The following NREP variants were observed in gnomAD, a reference collection of about 807,000 sequenced individuals.
NREP encodes neuronal regeneration related protein, also known as neuronal regeneration-related protein.
A neutral mutation model predicts 8.6 loss-of-function variants in NREP; 5 were observed. The ratio of observed to expected loss-of-function variants is 0.58; its 90% CI spans 0.30 to 1.22. The LOEUF is 1.22. NREP is among the 50% of genes most tolerant of loss of function. NREP has a pLI of 0.07. For missense variants in NREP, 86 were observed against 82.5 expected (o/e 1.04, Z -0.17); for synonymous variants, 27 against 28.0 (o/e 0.96, Z 0.11).
chr5:111,779,342 T>A (rs760315408), intron 2 of NREP, among the ~76,000 whole-genome samples: 1 of 152,190 alleles, frequency 6.6e-6, no homozygotes, highest in Non-Finnish European at 1.5e-5. Flanking sequence ...GTGCATCCTG[T>A]CACACAGCTC....
chr5:111,819,176 C>T (rs748309448), intron 2 of NREP, among the ~76,000 whole-genome samples: 1 of 152,294 alleles, frequency 6.6e-6, no homozygotes, highest in Non-Finnish European at 1.5e-5. Context: ...CCTCTGGTCA[C>T]CTGCTTTGAC....
intron 2 of NREP, among the ~76,000 whole-genome samples, chr5:111,763,138 G>C (rs913393271): frequency 1.3e-5 from 2 of 152,216 alleles, no homozygotes; most frequent in African/African-American, 4.8e-5. Flanking sequence ...ACAGATGAGA[G>C]ATTCTCCCCT....
intron 2 of NREP, among the ~76,000 whole-genome samples, chr5:111,905,782 T>G (rs1754766787): frequency 6.6e-6 from 1 of 152,142 alleles, no homozygotes. Flanking sequence ...TGCAGAGTAT[T>G]TTTATATATG....
intron 2 of NREP, among the ~76,000 whole-genome samples, chr5:111,971,973 A>G (rs1189530205): frequency 6.6e-6 from 1 of 152,206 alleles, no homozygotes; most frequent in Non-Finnish European, 1.5e-5. Flanking sequence ...GAATGGGAGA[A>G]AACATTTGCA....
At chr5:111,929,082 T>A (rs1755468853) in intron 2 of NREP, among the ~76,000 whole-genome samples, 1 of 152,136 alleles carries the variant, frequency 6.6e-6, no homozygotes, top group African/African-American at 2.4e-5. Flanking sequence ...CTTCTCCTCC[T>A]TATCCCCTCT....
At chr5:111,795,070 C>T (rs1751846030) in intron 2 of NREP, among the ~76,000 whole-genome samples, 2 of 151,112 alleles carry the variant, frequency 1.3e-5, no homozygotes, top group African/African-American at 4.9e-5. Context: ...AACAGTTAAC[C>T]AGTTTAAGTA....
intron 2 of NREP, among the ~76,000 whole-genome samples, chr5:111,971,945 A>G (rs2112673063): frequency 6.6e-6 from 1 of 152,316 alleles, no homozygotes; most frequent in Middle Eastern, 3.4e-3. Flanking sequence ...AATCAACAGA[A>G]TAAAGAGACA....
chr5:111,746,053 C>G (rs1316033232), intron 2 of NREP, among the ~76,000 whole-genome samples: 1 of 152,184 alleles, frequency 6.6e-6, no homozygotes, highest in African/African-American at 2.4e-5. Flanking sequence ...TGTAGTGACC[C>G]TCTGACTTCA....
chr5:111,908,914 G>A (rs1272533393), intron 2 of NREP, among the ~76,000 whole-genome samples: 1 of 151,922 alleles, frequency 6.6e-6, no homozygotes, highest in African/African-American at 2.4e-5. Context: ...TTTAATAATA[G>A]CCATTCTGAT....
chr5:111,936,220 G>A (rs1755678296), intron 2 of NREP, among the ~76,000 whole-genome samples: 1 of 152,020 alleles, frequency 6.6e-6, no homozygotes, highest in Non-Finnish European at 1.5e-5. Context: ...ATTTTGTGTT[G>A]AGGGAGAGAC....
At chr5:111,731,104 T>A (rs994677265) in intron 3 of NREP, 58 bp from the exon 4 acceptor site, 1 of 1,587,004 alleles carries the variant, frequency 6.3e-7, no homozygotes, top group East Asian at 2.3e-5. Flanking sequence ...AAATTAGTCA[T>A]GCTTCTGAAA....
At chr5:111,865,541 A>C (rs1052787249) in intron 2 of NREP, among the ~76,000 whole-genome samples, 2 of 152,210 alleles carry the variant, frequency 1.3e-5, no homozygotes, top group African/African-American at 2.4e-5. Context: ...TGCAAGCAGC[A>C]ACCCATGGCA....
chr5:111,783,375 G>A (rs1190282781), intron 2 of NREP, among the ~76,000 whole-genome samples: 1 of 152,112 alleles, frequency 6.6e-6, no homozygotes, highest in Admixed American at 6.6e-5. Flanking sequence ...ATATGTTGGG[G>A]AAAAGATACA....
At chr5:111,741,704 T>A (rs1749678241) in intron 2 of NREP, among the ~76,000 whole-genome samples, 1 of 152,096 alleles carries the variant, frequency 6.6e-6, no homozygotes, top group African/African-American at 2.4e-5. Context: ...GCCATTCAGA[T>A]GATGTACGTA....
chr5:111,881,583 G>A (rs1432729919), intron 2 of NREP, among the ~76,000 whole-genome samples: 2 of 152,182 alleles, frequency 1.3e-5, no homozygotes, highest in Non-Finnish European at 2.9e-5. Context: ...GCACCCCCCA[G>A]TAGGGGCAGA....
At chr5:111,928,329 G>C (rs979133384) in intron 2 of NREP, among the ~76,000 whole-genome samples, 1 of 151,242 alleles carries the variant, frequency 6.6e-6, no homozygotes, top group African/African-American at 2.5e-5. Context: ...TGAAGCTTCT[G>C]ATTTAGTTTT....
intron 2 of NREP, among the ~76,000 whole-genome samples, chr5:111,870,631 C>T (rs114055276): frequency 6.6e-6 from 1 of 152,104 alleles, no homozygotes; most frequent in African/African-American, 2.4e-5. Flanking sequence ...GATGTCCTAA[C>T]CTCCAGCACC....
intron 2 of NREP, among the ~76,000 whole-genome samples, chr5:111,904,626 T>A (rs962697836): frequency 2.6e-5 from 4 of 152,162 alleles, no homozygotes; most frequent in African/African-American, 7.2e-5. Flanking sequence ...TATTCCATTG[T>A]ATGTGAAAGA....
chr5:111,971,705 T>A (rs1756823578), intron 2 of NREP, among the ~76,000 whole-genome samples: 1 of 152,162 alleles, frequency 6.6e-6, no homozygotes, highest in Non-Finnish European at 1.5e-5. Flanking sequence ...TTATTTCATA[T>A]CATAGACAAA....
Sources: gnomAD v4.1 joint callset for allele counts (sites outside exome capture counted in the v4.1 genomes callset) on GRCh38, gnomAD v4.1.1 for gene constraint, MANE v1.5 for transcripts, NCBI Gene and HGNC (gene_info 2026-07-23, HGNC 2026-07-21) for gene names.